NRXN3: variants seen among roughly 807,000 people sequenced by gnomAD.
The protein encoded by NRXN3 is neurexin III.
Under a neutral mutation model 137.6 loss-of-function variants are expected in NRXN3, and 32 were observed. The ratio of observed to expected loss-of-function variants is 0.23; its 90% CI spans 0.18 to 0.31. The LOEUF (loss-of-function observed/expected upper bound fraction) is 0.31. Ranked by LOEUF, NRXN3 falls within the 10% of genes least tolerant of loss-of-function variation. The probability of loss-of-function intolerance (pLI) is 1.00; values close to 1 mark genes in which losing one functional copy is unlikely to be tolerated. For missense variants in NRXN3, 1,574 were observed against 2,062.5 expected (o/e 0.76, Z 4.59); for synonymous variants, 798 against 784.5 (o/e 1.02, Z -0.29).
chr14:79,747,370 G>T lies in NRXN3; in HGVS notation c.4014+49433G>T, dbSNP rs2098982873. The stretch of plus-strand genomic sequence containing the variant: ...AATTTCATTTCTGAAAATTATGATG[G>T]CTGTTGGAAAAAAGTAGATTGGAAG... On this transcript the variant is annotated intron_variant, in intron 19 of 20. Transcript: ENST00000335750. 2.6e-5 allele frequency among the ~76,000 whole-genome samples: 4 copies of T among 151,984 alleles called. No homozygotes were observed. The South Asian group carries it at 8.3e-4, about 32-fold the overall frequency.
chr14:79,700,744 T>G (rs1449465342), intron 19 of NRXN3, among the ~76,000 whole-genome samples: 4 of 152,052 alleles, frequency 2.6e-5, no homozygotes, highest in African/African-American at 9.7e-5. Flanking sequence ...TTATAGCCTC[T>G]TAGAAGTAAT....
intron 19 of NRXN3, among the ~76,000 whole-genome samples, chr14:79,795,135 C>T (rs1040759110): frequency 3.3e-5 from 5 of 152,108 alleles, no homozygotes; most frequent in Admixed American, 1.3e-4. Flanking sequence ...TGAACTGGAA[C>T]GGGGAAAATT....
chr14:79,585,683 T>TAAAAAAAAAAA (rs1264605001), intron 16 of NRXN3, among the ~76,000 whole-genome samples: 1 of 75,936 alleles, frequency 1.3e-5, no homozygotes, highest in Non-Finnish European at 2.4e-5. Context: ...GACTCCATCT[T>TAAAAAAAAAAA]AAAAAAAAAA....
intron 7 of NRXN3, among the ~76,000 whole-genome samples, chr14:78,712,996 C>T (rs994770025): frequency 6.6e-6 from 1 of 152,170 alleles, no homozygotes; most frequent in African/African-American, 2.4e-5. Flanking sequence ...GATGGCATGA[C>T]CCATTTATCT....
intron 15 of NRXN3, among the ~76,000 whole-genome samples, chr14:79,462,219 C>T (rs1468326492): frequency 1.3e-5 from 2 of 151,252 alleles, no homozygotes; most frequent in African/African-American, 4.9e-5. Context: ...ACTAAAAATA[C>T]AAAATTAGCC....
chr14:79,610,954 G>A (rs2098090886), intron 16 of NRXN3, among the ~76,000 whole-genome samples: 1 of 152,126 alleles, frequency 6.6e-6, no homozygotes, highest in Non-Finnish European at 1.5e-5. Context: ...CTTGCCAGGG[G>A]GATGTGATGT....
intron 15 of NRXN3, among the ~76,000 whole-genome samples, chr14:79,305,784 C>T (rs894680006): frequency 1.3e-5 from 2 of 152,052 alleles, no homozygotes; most frequent in Admixed American, 1.3e-4. Flanking sequence ...AGTGGCTTCA[C>T]CTCACCTGCC....
chr14:79,565,348 C>CACACATTGTGT (rs1382372387), intron 16 of NRXN3, among the ~76,000 whole-genome samples: 245 of 142,136 alleles, frequency 1.7e-3, no homozygotes, highest in African/African-American at 5.8e-3. Flanking sequence ...CATATGTGTG[C>CACACATTGTGT]GTATATGTAT....
chr14:79,241,615 A>G (rs577828365), intron 15 of NRXN3, among the ~76,000 whole-genome samples: 10 of 152,284 alleles, frequency 6.6e-5, no homozygotes, highest in African/African-American at 1.7e-4. Flanking sequence ...TATTATTACA[A>G]TTCAAGGTGA....
At position 78,501,586 on chromosome 14, in the gene NRXN3, G is replaced by A. The variant is rs548558845; in HGVS notation, c.758-143534G>A. Among the ~76,000 whole-genome samples the A allele has an allele frequency of 1.6e-4, 24 of 152,278 alleles. No individual in the cohort carries two copies. In the South Asian group the frequency reaches 3.1e-3, roughly 20 times the overall value. On this transcript the variant is annotated intron_variant, in intron 4 of 20. Transcript: ENST00000335750. Reference sequence around the variant, plus strand: ...TCTAGCCCACACTCAGGTGGAGAAGGTTATACTTGGGCACAAATACTAGGA... The same window carrying A: ...TCTAGCCCACACTCAGGTGGAGAAGATTATACTTGGGCACAAATACTAGGA...
intron 15 of NRXN3, among the ~76,000 whole-genome samples, chr14:79,052,423 A>G (rs915458036): frequency 6.6e-6 from 1 of 152,196 alleles, no homozygotes; most frequent in Admixed American, 6.5e-5. Flanking sequence ...AGACTTGCGG[A>G]TCTCATTTAC....
At chr14:78,194,183 G>A (rs2061015660) in intron 1 of NRXN3, among the ~76,000 whole-genome samples, 1 of 152,230 alleles carries the variant, frequency 6.6e-6, no homozygotes, top group South Asian at 2.1e-4. Flanking sequence ...AGAAACCACA[G>A]ATTCATCCCA....
intron 4 of NRXN3, among the ~76,000 whole-genome samples, chr14:78,631,419 A>G (rs1566933636): frequency 6.6e-6 from 1 of 152,194 alleles, no homozygotes; most frequent in East Asian, 1.9e-4. Flanking sequence ...ATCTCCTACC[A>G]CAGTTGAGAT....
At chr14:79,278,042 T>C (rs2080577287) in intron 15 of NRXN3, among the ~76,000 whole-genome samples, 1 of 152,158 alleles carries the variant, frequency 6.6e-6, no homozygotes, top group South Asian at 2.1e-4. Flanking sequence ...CCTTGGGGTG[T>C]CTCAAGGATG....
chr14:78,447,665 T>G (rs2094452379), intron 4 of NRXN3, among the ~76,000 whole-genome samples: 2 of 152,246 alleles, frequency 1.3e-5, no homozygotes, highest in African/African-American at 4.8e-5. Context: ...CTTTTTTAGC[T>G]TGGTATTCCT....
intron 4 of NRXN3, among the ~76,000 whole-genome samples, chr14:78,444,110 A>G (rs8005882): frequency 1 from 151,908 of 152,342 alleles, 75,739 homozygotes; most frequent in Non-Finnish European, 1. Flanking sequence ...ATAGAAGTAA[A>G]GGCACTCATT....
At chr14:79,194,833 G>A (rs1360076778) in intron 15 of NRXN3, among the ~76,000 whole-genome samples, 1 of 152,066 alleles carries the variant, frequency 6.6e-6, no homozygotes, top group Non-Finnish European at 1.5e-5. Flanking sequence ...AGCTCTATTT[G>A]TTTACAGTTT....
In NRXN3 at chr14:79,812,055, G is replaced by A. The variant is rs190786668; in HGVS notation, c.4093+6865G>A. On this transcript the variant is annotated intron_variant, in intron 20 of 20. Coordinates refer to ENST00000335750, the MANE Select transcript of NRXN3 (RefSeq NM_001330195.2). ...AATTAGCTCTTGCACTTTAGGCTGA[G>A]GAATAGTGTGCATAATATATGTGGC... is the stretch of plus-strand genomic sequence containing the variant. Among the ~76,000 whole-genome samples, 698 of 152,218 alleles carry A rather than the reference G, an allele frequency of 4.6e-3. 43 individuals carry two copies. The South Asian group carries it at 0.13, about 28-fold the overall frequency.
chr14:79,092,622 A>G (rs2049421907), intron 15 of NRXN3, among the ~76,000 whole-genome samples: 1 of 152,214 alleles, frequency 6.6e-6, no homozygotes, highest in Non-Finnish European at 1.5e-5. Context: ...AAAGTCAAAT[A>G]CAATTTGAAG....
Sources: allele counts gnomAD v4.1 joint callset (sites outside exome capture counted in the v4.1 genomes callset), GRCh38; gene constraint gnomAD v4.1.1; transcripts MANE v1.5; gene names NCBI Gene and HGNC (gene_info 2026-07-23, HGNC 2026-07-21).